Variants in WDR7 observed in about 807,000 individuals in gnomAD.
WDR7 encodes the protein WD repeat-containing protein 7.
In WDR7, 46 loss-of-function variants were observed where a neutral mutation model predicts 169.4. That is an observed-to-expected ratio of 0.27 (90% CI 0.21 to 0.35). The LOEUF is 0.35. Ranked by LOEUF, WDR7 falls within the 10% of genes least tolerant of loss-of-function variation. WDR7 has a pLI of 1.00. For synonymous variants in WDR7, 612 were observed against 666.8 expected (o/e 0.92, Z 1.27); for missense variants, 1,534 against 1,859.3 (o/e 0.83, Z 3.22).
chr18:57,005,644 T>C (rs1231906248), intron 26 of WDR7, among the ~76,000 whole-genome samples: 1 of 152,172 alleles, frequency 6.6e-6, no homozygotes, highest in Non-Finnish European at 1.5e-5. Flanking sequence ...AGTAGTACTA[T>C]AGGTAATTTT....
intron 26 of WDR7, among the ~76,000 whole-genome samples, chr18:56,982,544 AAAG>A (rs2047661881): frequency 6.6e-6 from 1 of 152,150 alleles, no homozygotes; most frequent in Non-Finnish European, 1.5e-5. Flanking sequence ...CATCTCACTG[AAAG>A]AAGAGCTTCT....
chr18:56,861,557 G>A (rs1162998185), intron 20 of WDR7, among the ~76,000 whole-genome samples: 2 of 152,164 alleles, frequency 1.3e-5, no homozygotes, highest in Admixed American at 6.6e-5. Flanking sequence ...GAGCAGTCGA[G>A]TATTGAGCTT....
At chr18:56,875,516 A>G (rs566674649) in intron 20 of WDR7, among the ~76,000 whole-genome samples, 10 of 152,206 alleles carry the variant, frequency 6.6e-5, no homozygotes, top group African/African-American at 1.9e-4. Flanking sequence ...GAATGTGCAT[A>G]TGACCTACAG....
intron 21 of WDR7, among the ~76,000 whole-genome samples, chr18:56,908,145 T>C (rs1020983374): frequency 6.6e-6 from 1 of 152,176 alleles, no homozygotes; most frequent in Non-Finnish European, 1.5e-5. Flanking sequence ...AGAATTGATC[T>C]TGCTTTCACA....
chr18:56,860,062 T>C (rs2045780916), intron 20 of WDR7, among the ~76,000 whole-genome samples: 1 of 152,162 alleles, frequency 6.6e-6, no homozygotes, highest in Admixed American at 6.6e-5. Flanking sequence ...TTCCATACTC[T>C]TTCATTGAAT....
intron 25 of WDR7, among the ~76,000 whole-genome samples, chr18:56,944,815 A>T (rs1201294048): frequency 6.6e-6 from 1 of 152,218 alleles, no homozygotes; most frequent in Non-Finnish European, 1.5e-5. Flanking sequence ...TTTCATTTAT[A>T]TCGCACTTTG....
chr18:56,716,800 G>A (rs1254906190), intron 12 of WDR7, among the ~76,000 whole-genome samples: 1 of 152,174 alleles, frequency 6.6e-6, no homozygotes, highest in African/African-American at 2.4e-5. Flanking sequence ...GCATTCTAAA[G>A]GTTCTTGGAA....
intron 13 of WDR7, among the ~76,000 whole-genome samples, chr18:56,730,075 C>T (rs545751736): frequency 6.6e-6 from 1 of 152,194 alleles, no homozygotes; most frequent in South Asian, 2.1e-4. Flanking sequence ...TTTGAGGCTG[C>T]TAACTCTATC....
rs947985061 is a variant in WDR7 at position 56,651,968 on chromosome 18, C to T, written c.-20+392C>T. Among the ~76,000 whole-genome samples, 4 of 152,134 alleles carry T rather than the reference C, an allele frequency of 2.6e-5. 1 individual carries two copies. The highest frequency in any genetic ancestry group is 4.1e-4 in the South Asian group (2 of 4,828). ...TGGGGTTCATATAGTCTTTCCTTTC[C>T]TGTTGGTACTATTTTTGCCCATGCC... is the stretch of plus-strand genomic sequence containing the variant. On this transcript the variant is annotated intron_variant, in intron 1 of 27. Coordinates refer to ENST00000254442, the MANE Select transcript of WDR7 (RefSeq NM_015285.3).
chr18:56,796,278 C>G, intron 19 of WDR7, among the ~76,000 whole-genome samples: 1 of 152,312 alleles, frequency 6.6e-6, no homozygotes. Context: ...TCCTTCACCT[C>G]CATTTGAAGA....
chr18:56,673,591 T>C (rs1469965276), intron 2 of WDR7, among the ~76,000 whole-genome samples: 1 of 152,082 alleles, frequency 6.6e-6, no homozygotes, highest in African/African-American at 2.4e-5. Flanking sequence ...CCCAGCACTT[T>C]GTGGGGCTGA....
At chr18:56,974,443 A>G (rs1210564520) in intron 26 of WDR7, among the ~76,000 whole-genome samples, 2 of 142,562 alleles carry the variant, frequency 1.4e-5, no homozygotes, top group African/African-American at 2.7e-5. Flanking sequence ...AGGCATGATC[A>G]TAGTGCACTA....
intron 19 of WDR7, among the ~76,000 whole-genome samples, chr18:56,806,450 G>A (rs1475611770): frequency 6.6e-6 from 1 of 152,114 alleles, no homozygotes; most frequent in East Asian, 1.9e-4. Flanking sequence ...TGTAAAACAT[G>A]TGGACATGTG....
intron 26 of WDR7, among the ~76,000 whole-genome samples, chr18:56,997,067 T>C (rs1382234961): frequency 6.6e-6 from 1 of 152,204 alleles, no homozygotes; most frequent in Non-Finnish European, 1.5e-5. Flanking sequence ...AATTATGGAA[T>C]TTAAATACTT....
Position 56,727,112 on chromosome 18 carries a change from G to A in WDR7, c.1775-4271G>A, listed in dbSNP as rs559704879. 4.7e-4 allele frequency among the ~76,000 whole-genome samples: 72 copies of A among 152,288 alleles called. No individual in the cohort carries two copies. In the South Asian group the frequency reaches 0.015, roughly 32 times the overall value. On this transcript the variant is annotated intron_variant, in intron 13 of 27. Transcript: ENST00000254442. Reference sequence around the variant, plus strand: ...GACAATGGATGTTAGTCAGTGTTCAGACAATGGACATTAGTCAATTAAGGA... The same window carrying A: ...GACAATGGATGTTAGTCAGTGTTCAAACAATGGACATTAGTCAATTAAGGA...
In WDR7 at chr18:56,694,775, T is replaced by G; in HGVS notation, c.1108+15T>G. 7 of 1,592,516 alleles carry G rather than the reference T, an allele frequency of 4.4e-6. No individual in the cohort carries two copies. The highest frequency in any genetic ancestry group is 6.0e-6 in the Non-Finnish European group (7 of 1,169,722). ...AAGTGAAGAAGGTAATAGTAAATCA[T>G]GTGTAACAATTTCTTAATTAATTTA... On this transcript the variant is annotated intron_variant, in intron 10 of 27. Coordinates refer to ENST00000254442, the MANE Select transcript of WDR7 (RefSeq NM_015285.3).
intron 20 of WDR7, among the ~76,000 whole-genome samples, chr18:56,832,429 G>A (rs879899517): frequency 1.3e-5 from 2 of 152,204 alleles, no homozygotes; most frequent in African/African-American, 2.4e-5. Context: ...AGACTTAAAC[G>A]TTCCAGCCTG....
At chr18:56,714,719 C>A (rs1265384925) in intron 12 of WDR7, among the ~76,000 whole-genome samples, 1 of 152,006 alleles carries the variant, frequency 6.6e-6, no homozygotes, top group African/African-American at 2.4e-5. Flanking sequence ...CGGCCTGGAC[C>A]AAACAGTTTT....
At chr18:56,937,776 T>TC (rs2145695166) in intron 23 of WDR7, among the ~76,000 whole-genome samples, 1 of 152,188 alleles carries the variant, frequency 6.6e-6, no homozygotes, top group Non-Finnish European at 1.5e-5. Context: ...GGGGCACTGA[T>TC]CCCCCTAGCA....
Sources: gnomAD v4.1 joint callset for allele counts (sites outside exome capture counted in the v4.1 genomes callset) on GRCh38, gnomAD v4.1.1 for gene constraint, MANE v1.5 for transcripts, NCBI Gene and HGNC (gene_info 2026-07-23, HGNC 2026-07-21) for gene names.